TSC22D3: variants seen among roughly 807,000 people sequenced by gnomAD.
The protein encoded by TSC22D3 is TSC22 domain family protein 3.
TSC22D3 carries 4 observed loss-of-function variants against 11.1 expected under a neutral mutation model. The observed-to-expected ratio is 0.36, with a 90% confidence interval of 0.18 to 0.83. TSC22D3 has a LOEUF of 0.83. TSC22D3 is among the 40% of genes least tolerant of loss of function. The pLI is 0.48. For synonymous variants in TSC22D3, 77 were observed against 70.3 expected, an observed-to-expected ratio of 1.10 and a Z score of -0.48; for missense variants, 118 against 159.4, an observed-to-expected ratio of 0.74 and a Z score of 1.40.
In TSC22D3 at chrX:107,713,849, T is replaced by C. The variant is rs1443687714; in HGVS notation, c.*670A>G. Reference sequence around the variant, plus strand: ...ATATGTATACATCGCTACACTAAGATACAGATCTAGCCCTATGGGTATATA... The same window carrying C: ...ATATGTATACATCGCTACACTAAGACACAGATCTAGCCCTATGGGTATATA... On this transcript the variant is annotated 3_prime_UTR_variant, in exon 3 of 3. Transcript: ENST00000372383. 1 of 112,842 alleles carries C rather than the reference T, an allele frequency of 8.9e-6. No homozygotes were observed. The highest frequency in any genetic ancestry group is 1.9e-5 in the Non-Finnish European group (1 of 53,327). The allele number at this position is 112,842 out of a possible 1,213,427, so 9.3% of individuals were successfully genotyped here.
At chrX:107,773,871 A>T (rs56893499) in intron 1 of TSC22D3, among the ~76,000 whole-genome samples, 1 of 111,726 alleles carries the variant, frequency 9.0e-6, no homozygotes, top group African/African-American at 3.3e-5. Context: ...GATTGCTTTT[A>T]AAATTTCCTA....
At chrX:107,751,679 G>T (rs1422657520) in intron 1 of TSC22D3, among the ~76,000 whole-genome samples, 1 of 112,384 alleles carries the variant, frequency 8.9e-6, no homozygotes, top group Non-Finnish European at 1.9e-5. Context: ...CCTAGGCCTA[G>T]GTAGAATTCA....
chrX:107,773,559 C>T (rs1930001550), intron 1 of TSC22D3, among the ~76,000 whole-genome samples: 2 of 111,706 alleles, frequency 1.8e-5, no homozygotes, highest in Non-Finnish European at 3.8e-5. Context: ...CCCTCGAAAC[C>T]TTTCTGCCCG....
At position 107,740,638 on chromosome X, in the gene TSC22D3, C is replaced by T. The variant is rs777356320; in HGVS notation, c.321-24688G>A. ...CTTGGCTGAGGTTGAAGAACCATGA[C>T]GGTGAAAGAGTGGGTGTACAACAGA... On this transcript the variant is annotated intron_variant, in intron 1 of 2. Transcript: ENST00000372383. Among the ~76,000 whole-genome samples, 246 of 110,384 alleles carry T rather than the reference C, an allele frequency of 2.2e-3. 2 individuals are homozygous for T. Among genetic ancestry groups the T allele is most frequent in the African/African-American group, 7.7e-3 (233 of 30,365 alleles).
chrX:107,719,196 A>T (rs1426510110), intron 1 of TSC22D3, among the ~76,000 whole-genome samples: 2 of 112,024 alleles, frequency 1.8e-5, no homozygotes, highest in Non-Finnish European at 3.8e-5. Context: ...CAGAAGTAAA[A>T]ACAGCTCCTT....
chrX:107,742,875 G>A lies in TSC22D3; in HGVS notation c.321-26925C>T, dbSNP rs995780132. ...AGTATGGGCTCTTCACATCATCCGC[G>A]AGAGATCCCTGCTCCTCGGGAGCCC... is the stretch of plus-strand genomic sequence containing the variant. On this transcript the variant is annotated intron_variant, in intron 1 of 2. Transcript: ENST00000372383. 2.7e-5 allele frequency among the ~76,000 whole-genome samples: 3 copies of A among 111,979 alleles called. No homozygotes were observed. In the East Asian group the frequency reaches 8.5e-4, roughly 32 times the overall value.
chrX:107,752,820 G>A (rs748416109), intron 1 of TSC22D3, among the ~76,000 whole-genome samples: 1 of 111,898 alleles, frequency 8.9e-6, no homozygotes, highest in South Asian at 3.8e-4. Context: ...AGAGGAGAAG[G>A]GGCAGGAAGA....
chrX:107,727,146 G>T (rs1162705502), intron 1 of TSC22D3, among the ~76,000 whole-genome samples: 1 of 111,975 alleles, frequency 8.9e-6, no homozygotes, highest in Non-Finnish European at 1.9e-5. Flanking sequence ...TCCAACAATA[G>T]GCTGCTGCAA....
chrX:107,775,706 GCC>G lies in TSC22D3; in HGVS notation c.-289_-288del, dbSNP rs1176169578. ...CCCCCTCCTCTTGAGGCCGGGGGCC[GCC>G]CCCCTGAGGTGCCACACGCGGCCCC... On this transcript the variant is annotated 5_prime_UTR_variant, in exon 1 of 3. Transcript: ENST00000372383. 9.3e-6 allele frequency: 2 copies of G among 215,576 alleles called. No individual in the cohort carries two copies. Among genetic ancestry groups the G allele is most frequent in the Non-Finnish European group, 1.7e-5 (2 of 120,043 alleles). The allele number at this position is 215,576 out of a possible 1,213,427, so 17.8% of individuals were successfully genotyped here.
intron 2 of TSC22D3, 189 bp downstream of exon 2, chrX:107,715,710 G>A: frequency 2.0e-6 from 1 of 505,965 alleles, no homozygotes; most frequent in Non-Finnish European, 3.5e-6. Context: ...GCCCAGGAAG[G>A]GAAGACTGGA....
intron 1 of TSC22D3, among the ~76,000 whole-genome samples, chrX:107,735,532 C>T (rs1682469329): frequency 9.0e-6 from 1 of 111,234 alleles, no homozygotes; most frequent in South Asian, 3.8e-4. Context: ...TCTGCTGTAG[C>T]ATTCACCACC....
At chrX:107,729,258 G>A (rs1262844990) in intron 1 of TSC22D3, among the ~76,000 whole-genome samples, 1 of 111,265 alleles carries the variant, frequency 9.0e-6, no homozygotes, top group Non-Finnish European at 1.9e-5. Flanking sequence ...TCATTTATAC[G>A]GTGGCATAGC....
chrX:107,744,175 AG>A (rs1928551460), intron 1 of TSC22D3, among the ~76,000 whole-genome samples: 1 of 112,167 alleles, frequency 8.9e-6, no homozygotes, highest in African/African-American at 3.2e-5. Flanking sequence ...CTGAAGCTGA[AG>A]CCACTGGTAC....
In TSC22D3 at chrX:107,732,197, C is replaced by T. The variant is rs987317524; in HGVS notation, c.321-16247G>A. ...ATCTGCTTCCTTGTTCAGCCACTGC[C>T]TCCACTGCCCTCCCCTCCCCTCCCT... is the stretch of plus-strand genomic sequence containing the variant. On this transcript the variant is annotated intron_variant, in intron 1 of 2. Transcript: ENST00000372383. Among the ~76,000 whole-genome samples, 8 of 108,260 alleles carry T rather than the reference C, an allele frequency of 7.4e-5. No individual in the cohort carries two copies. The Admixed American group carries it at 7.8e-4, about 11-fold the overall frequency. The allele number at this position is 108,260 out of a possible 115,157, so 94.0% of individuals were successfully genotyped here. A position where few individuals can be genotyped will look rare whatever the true frequency, so the allele number is the denominator to read the frequency against.
rs140191341 is a variant in TSC22D3 at position 107,751,190 on chromosome X, C to A, written c.320+23910G>T. The stretch of plus-strand genomic sequence containing the variant: ...AAGGAAACAAGAGCATTTGGAATTC[C>A]GGTGTGCTTGGGTGGAGGGGAAGAG... On this transcript the variant is annotated intron_variant, in intron 1 of 2. Transcript: ENST00000372383. Among the ~76,000 whole-genome samples, 501 of 112,236 alleles carry A rather than the reference C, an allele frequency of 4.5e-3. 13 individuals are homozygous for A. The East Asian group carries it at 0.068, about 15-fold the overall frequency.
At chrX:107,757,095 G>A (rs1001069990) in intron 1 of TSC22D3, among the ~76,000 whole-genome samples, 1 of 112,363 alleles carries the variant, frequency 8.9e-6, no homozygotes, top group African/African-American at 3.2e-5. Context: ...CTAAACAGAC[G>A]GACAGTCTAA....
chrX:107,763,476 T>C (rs1177734826), intron 1 of TSC22D3, among the ~76,000 whole-genome samples: 1 of 111,151 alleles, frequency 9.0e-6, no homozygotes, highest in African/African-American at 3.3e-5. Context: ...GATCAGTTTA[T>C]TTGTCCTTCC....
chrX:107,767,364 C>T (rs1049188151), intron 1 of TSC22D3, among the ~76,000 whole-genome samples: 1 of 111,253 alleles, frequency 9.0e-6, no homozygotes, highest in African/African-American at 3.3e-5. Context: ...ATCCAGCCTG[C>T]TTCCAGCTCT....
At chrX:107,717,658 A>G (rs1927120741) in intron 1 of TSC22D3, among the ~76,000 whole-genome samples, 1 of 112,707 alleles carries the variant, frequency 8.9e-6, no homozygotes, top group South Asian at 3.6e-4. Context: ...CGGCACATGT[A>G]CAGATCTGTG....
Sources: allele counts gnomAD v4.1 joint callset (sites outside exome capture counted in the v4.1 genomes callset), GRCh38; gene constraint gnomAD v4.1.1; transcripts MANE v1.5; gene names NCBI Gene and HGNC (gene_info 2026-07-23, HGNC 2026-07-21).